PIK3R4: variants seen among roughly 807,000 people sequenced by gnomAD.
PIK3R4 encodes phosphoinositide 3-kinase regulatory subunit 4.
Under a neutral mutation model 136.5 loss-of-function variants are expected in PIK3R4, and 46 were observed. That is an observed-to-expected ratio of 0.34 (90% CI 0.27 to 0.43). The LOEUF is 0.43. Ranked by LOEUF, PIK3R4 falls within the 20% of genes least tolerant of loss-of-function variation. The pLI, the probability that PIK3R4 is intolerant of heterozygous loss-of-function variation, is 1.00. For missense variants in PIK3R4, 1,331 were observed against 1,649.5 expected (o/e 0.81, Z 3.35); for synonymous variants, 557 against 566.7 (o/e 0.98, Z 0.24).
In PIK3R4 at chr3:130,730,343, T is replaced by A. The variant is rs1325927326; in HGVS notation, c.1550A>T (p.Asp517Val). Residue 517 changes from aspartate to valine, a missense_variant, in exon 5 of 20, where the codon GAT becomes GTT. Around this residue, in one of 2 missense-constraint regions of PIK3R4, gnomAD observed 1,180 missense variants for 1,407.0 expected, o/e 0.84. Transcript: ENST00000356763. Reference protein sequence around the residue: ...MENDPNNEEIDEVTHPNGNYD... With the variant: ...MENDPNNEEIVEVTHPNGNYD... ...ATTTCCATTTGGATGTGTAACCTCA[T>A]CTATTTCTTCATTATTGGGGTCATT... 1 of 1,597,402 alleles carries A rather than the reference T, an allele frequency of 6.3e-7. No individual in the cohort carries two copies. The highest frequency in any genetic ancestry group is 2.3e-5 in the East Asian group (1 of 43,884).
At chr3:130,729,770 T>C (rs2066752227) in intron 5 of PIK3R4, among the ~76,000 whole-genome samples, 1 of 152,202 alleles carries the variant, frequency 6.6e-6, no homozygotes, top group African/African-American at 2.4e-5. Context: ...AAATTACATC[T>C]ATTACTTTAC....
Position 130,681,042 on chromosome 3 carries a change from AC to A in PIK3R4, c.3731del (p.Gly1244ValfsTer14). The A allele has an allele frequency of 1.9e-6, 3 of 1,590,956 alleles. No individual in the cohort carries two copies. The highest frequency in any genetic ancestry group is 2.6e-6 in the Non-Finnish European group (3 of 1,159,030). On this transcript the variant is annotated frameshift_variant, in exon 18 of 20. Coordinates refer to ENST00000356763, the MANE Select transcript of PIK3R4 (RefSeq NM_014602.3). LOFTEE classifies it high-confidence loss of function. ...TTCCATCTGCAGGACTACAGTAGAT[AC>A]CATGGACGCTATGAGGAGAAGGCTT... ...ELQPSPHSVHGIYCSPADGNP... is the reference protein window; with the variant it reads ...ELQPSPHSVHXIYCSPADGNP...
intron 2 of PIK3R4, among the ~76,000 whole-genome samples, chr3:130,743,613 A>G (rs1210506817): frequency 6.6e-6 from 1 of 152,122 alleles, no homozygotes; most frequent in Non-Finnish European, 1.5e-5. Flanking sequence ...GGTGGGCGAG[A>G]GAAGTTCCTG....
At chr3:130,700,027 T>C (rs2066566854) in intron 13 of PIK3R4, among the ~76,000 whole-genome samples, 1 of 152,216 alleles carries the variant, frequency 6.6e-6, no homozygotes, top group South Asian at 2.1e-4. Flanking sequence ...AGTAGGGTTT[T>C]TGTCTCACTG....
In PIK3R4 at chr3:130,706,994, G is replaced by A. The variant is rs142194036; in HGVS notation, c.2675C>T (p.Ser892Phe). The change falls in exon 11 of 20, where the codon TCC becomes TTC. Residue 892 changes from serine to phenylalanine, a missense_variant. Physicochemically the swap from Ser to Phe is radical, Grantham distance 155. Coordinates refer to ENST00000356763, the MANE Select transcript of PIK3R4 (RefSeq NM_014602.3). The part of the protein sequence containing the change: ...EVIQTGKPPR[S>F]ESSAGICVPL... ...GACACAAATGCCAGCAGAGGACTCG[G>A]AACGAGGAGGTTTCCCAGTCTGAAT... is the stretch of plus-strand genomic sequence containing the variant. 1.9e-6 allele frequency: 3 copies of A among 1,612,772 alleles called. No homozygotes were observed. The highest frequency in any genetic ancestry group is 2.7e-5 in the African/African-American group (2 of 74,996).
intron 9 of PIK3R4, among the ~76,000 whole-genome samples, chr3:130,709,320 C>A (rs2066622190): frequency 6.6e-6 from 1 of 152,062 alleles, no homozygotes; most frequent in Non-Finnish European, 1.5e-5. Context: ...TCCACAGAAT[C>A]CTCTAGTACA....
intron 7 of PIK3R4, among the ~76,000 whole-genome samples, chr3:130,721,106 C>T (rs1415659737): frequency 2.0e-5 from 3 of 151,758 alleles, no homozygotes; most frequent in African/African-American, 7.3e-5. Context: ...GAGGCTGAGG[C>T]GGGCGGATCA....
intron 9 of PIK3R4, among the ~76,000 whole-genome samples, chr3:130,710,984 A>G (rs2066629666): frequency 6.6e-6 from 1 of 151,644 alleles, no homozygotes; most frequent in Non-Finnish European, 1.5e-5. Context: ...AATGTTAAGA[A>G]CCAAGGATAG....
At chr3:130,702,973 A>C (rs2066583128) in intron 13 of PIK3R4, among the ~76,000 whole-genome samples, 1 of 152,132 alleles carries the variant, frequency 6.6e-6, no homozygotes, top group Non-Finnish European at 1.5e-5. Flanking sequence ...CCAGGATCTG[A>C]TCATTTCCCA....
chr3:130,706,897 A>C, intron 11 of PIK3R4, 51 bp downstream of exon 11: 1 of 1,446,728 alleles, frequency 6.9e-7, no homozygotes, highest in South Asian at 1.4e-5. Flanking sequence ...CCAAAATAGC[A>C]GAAGAGCGTT....
chr3:130,693,878 CTATG>C (rs2066532537), intron 13 of PIK3R4, among the ~76,000 whole-genome samples: 3 of 152,062 alleles, frequency 2.0e-5, no homozygotes, highest in Non-Finnish European at 2.9e-5. Context: ...ATTTACATGC[CTATG>C]TTTTCTTCTA....
chr3:130,734,211 C>T (rs1286665744), intron 3 of PIK3R4, 81 bp from the exon 4 acceptor site: 3 of 1,134,038 alleles, frequency 2.6e-6, no homozygotes, highest in Non-Finnish European at 3.8e-6. Flanking sequence ...AGGCAATTTA[C>T]ATACGATTTA....
chr3:130,717,361 A>G (rs2066671310), intron 8 of PIK3R4, among the ~76,000 whole-genome samples: 1 of 152,146 alleles, frequency 6.6e-6, no homozygotes, highest in Non-Finnish European at 1.5e-5. Context: ...CAAAATACGA[A>G]ACAATGACAA....
rs1422326735 is a variant in PIK3R4, at chr3:130,746,613, C to G, written c.-342G>C. The G allele has an allele frequency of 6.6e-6, 1 of 152,292 alleles. No homozygotes were observed. Among genetic ancestry groups the G allele is most frequent in the Non-Finnish European group, 1.5e-5 (1 of 68,124 alleles). The allele number at this position is 152,292 out of a possible 1,614,324, so 9.4% of individuals were successfully genotyped here. ...CCCGGGATTTGACCCCTCCAGCCCC[C>G]TAACCTGCCCTGGGGGACATGCGTT... On this transcript the variant is annotated 5_prime_UTR_variant, in exon 1 of 20. An upstream open reading frame in the 5' UTR loses its in-frame stop. Coordinates refer to ENST00000356763, the MANE Select transcript of PIK3R4 (RefSeq NM_014602.3).
In PIK3R4 at chr3:130,728,686, T is replaced by TAAAAAA. The variant is rs5852606; in HGVS notation, c.1586-8_1586-3dup. On this transcript the variant is annotated splice_polypyrimidine_tract_variant and splice_region_variant and intron_variant, in intron 5 of 19. Coordinates refer to ENST00000356763, the MANE Select transcript of PIK3R4 (RefSeq NM_014602.3). Reference sequence around the variant, plus strand: ...CCATTTCATGTAAGGCTTGGAGCTCTAAAAAAAAAAAAAAAAGAAAGAAAG... The same window carrying TAAAAAA: ...CCATTTCATGTAAGGCTTGGAGCTCTAAAAAAAAAAAAAAAAAAAAAAGAAAGAAAG... 3.8e-5 allele frequency: 39 copies of TAAAAAA among 1,028,040 alleles called. No homozygotes were observed. The highest frequency in any genetic ancestry group is 2.2e-4 in the South Asian group (9 of 41,696). The allele number at this position is 1,028,040 out of a possible 1,614,324, so 63.7% of individuals were successfully genotyped here.
intron 8 of PIK3R4, among the ~76,000 whole-genome samples, chr3:130,717,254 G>A (rs2066669776): frequency 6.6e-6 from 1 of 151,562 alleles, no homozygotes; most frequent in Non-Finnish European, 1.5e-5. Flanking sequence ...GTGGAAACCA[G>A]CATAAAAAGA....
rs761576420 is a variant in PIK3R4, at chr3:130,681,011, T to C, written c.3763A>G (p.Ile1255Val). ...ATATCTGAGCCAGCTGTTAGTAGGA[T>C]AGGATTTCCATCTGCAGGACTACAG... ...IYCSPADGNPILLTAGSDMKI... is the reference protein window; with the variant it reads ...IYCSPADGNPVLLTAGSDMKI... Residue 1255 changes from isoleucine (I) to valine (V), a missense_variant, in exon 18 of 20, where the codon ATC becomes GTC. Around this residue, in one of 2 missense-constraint regions of PIK3R4, gnomAD observed 1,180 missense variants for 1,407.0 expected, o/e 0.84. Coordinates refer to ENST00000356763, the MANE Select transcript of PIK3R4 (RefSeq NM_014602.3). 1.7e-5 allele frequency: 27 copies of C among 1,591,450 alleles called. No individual in the cohort carries two copies. The highest frequency in any genetic ancestry group is 2.2e-5 in the East Asian group (1 of 44,738).
In PIK3R4 at chr3:130,723,591, G is replaced by C; in HGVS notation, c.1808-4C>G. 6.2e-7 allele frequency: 1 copy of C among 1,609,866 alleles called. No individual in the cohort carries two copies. The highest frequency in any genetic ancestry group is 1.1e-5 in the South Asian group (1 of 90,206). On this transcript the variant is annotated splice_region_variant and splice_polypyrimidine_tract_variant and intron_variant, in intron 6 of 19. Transcript: ENST00000356763. ...CAGCCAACATAGGCAGCAACACCTGGAAATGAAAAGCAATATTATGTGATT... is the reference window on the plus strand; with the variant it reads ...CAGCCAACATAGGCAGCAACACCTGCAAATGAAAAGCAATATTATGTGATT...
rs759431388 is a variant in PIK3R4, at chr3:130,690,636, G to T, written c.3117C>A (p.Ser1039Arg). 2 of 1,606,394 alleles carry T rather than the reference G, an allele frequency of 1.2e-6. No homozygotes were observed. Among genetic ancestry groups the T allele is most frequent in the Non-Finnish European group, 1.7e-6 (2 of 1,174,188 alleles). The part of the protein sequence containing the change: ...TTTTRSILTY[S>R]RIGGRVKTLT... ...GCGTCTTGACTCGTCCTCCAATTCG[G>T]CTGTATGTAAGAATAGATCTGAATG... Residue 1039 changes from serine to arginine, a missense_variant, in exon 14 of 20, where the codon AGC (serine) becomes AGA (arginine). Transcript: ENST00000356763.
Sources: gnomAD v4.1 joint callset for allele counts (sites outside exome capture counted in the v4.1 genomes callset) on GRCh38, gnomAD v4.1.1 for gene constraint, gnomAD v4.1.1 regional missense constraint, MANE v1.5 for transcripts, NCBI Gene and HGNC (gene_info 2026-07-23, HGNC 2026-07-21) for gene names.